Variants in ERC2 observed in about 807,000 individuals in gnomAD.
ERC2 encodes ELKS/RAB6-interacting/CAST family member 2.
In ERC2, 42 loss-of-function variants were observed where a neutral mutation model predicts 114.8. That is an observed-to-expected ratio of 0.37 (90% CI 0.29 to 0.47). The LOEUF is 0.47. Among genes scored for constraint, ERC2 ranks in the 20% least tolerant of loss-of-function variants. ERC2 has a pLI of 0.99. For synonymous variants in ERC2, 454 were observed against 425.5 expected (o/e 1.07, Z -0.82); for missense variants, 939 against 1,150.7 (o/e 0.82, Z 2.66).
At chr3:55,977,508 A>T (rs961021889) in intron 12 of ERC2, among the ~76,000 whole-genome samples, 6 of 152,216 alleles carry the variant, frequency 3.9e-5, no homozygotes, top group African/African-American at 1.4e-4. Flanking sequence ...AATAAAATAA[A>T]AGCAAATCAA....
chr3:55,579,023 TA>T (rs1289897799), intron 17 of ERC2, among the ~76,000 whole-genome samples: 6 of 152,152 alleles, frequency 3.9e-5, no homozygotes, highest in Admixed American at 1.3e-4. Context: ...TCATTTCTAC[TA>T]CATTCTGTTG....
At chr3:56,154,268 A>T (rs2081578733) in intron 4 of ERC2, among the ~76,000 whole-genome samples, 1 of 152,190 alleles carries the variant, frequency 6.6e-6, no homozygotes, top group African/African-American at 2.4e-5. Flanking sequence ...CAAAAAAATC[A>T]AAAACTCGCC....
chr3:56,028,009 T>G (rs1363947161), intron 7 of ERC2, among the ~76,000 whole-genome samples: 1 of 152,200 alleles, frequency 6.6e-6, no homozygotes, highest in Non-Finnish European at 1.5e-5. Flanking sequence ...TTGTGTTGCC[T>G]GTAGATATCT....
chr3:55,902,293 G>A (rs1253080833), intron 13 of ERC2, among the ~76,000 whole-genome samples: 2 of 152,040 alleles, frequency 1.3e-5, no homozygotes, highest in Non-Finnish European at 2.9e-5. Flanking sequence ...GGGGCTTTAT[G>A]TTGACCCTAT....
At chr3:55,709,466 G>A (rs771465506) in intron 15 of ERC2, among the ~76,000 whole-genome samples, 6 of 152,176 alleles carry the variant, frequency 3.9e-5, no homozygotes, top group Non-Finnish European at 8.8e-5. Flanking sequence ...TCTGAAGCTT[G>A]AGACACCACC....
At chr3:55,655,719 T>A (rs2060829217) in intron 17 of ERC2, among the ~76,000 whole-genome samples, 1 of 152,128 alleles carries the variant, frequency 6.6e-6, no homozygotes, top group African/African-American at 2.4e-5. Flanking sequence ...TTCCTGAGGG[T>A]CTGAGTCACT....
At chr3:55,952,456 T>C (rs1406885272) in intron 12 of ERC2, among the ~76,000 whole-genome samples, 3 of 151,964 alleles carry the variant, frequency 2.0e-5, no homozygotes, top group Non-Finnish European at 4.4e-5. Context: ...ATCTTTTGGT[T>C]AGTATAAAGA....
chr3:55,987,901 G>C (rs1414205808), intron 11 of ERC2, among the ~76,000 whole-genome samples: 1 of 152,108 alleles, frequency 6.6e-6, no homozygotes, highest in Non-Finnish European at 1.5e-5. Context: ...TCCGCATTGG[G>C]GAGGTATGTG....
chr3:55,961,945 C>A (rs1293339845), intron 12 of ERC2, among the ~76,000 whole-genome samples: 5 of 151,522 alleles, frequency 3.3e-5, no homozygotes, highest in Non-Finnish European at 7.4e-5. Flanking sequence ...CTTATCTTAT[C>A]CTCCACCGCC....
chr3:55,645,317 T>C (rs2060348455), intron 17 of ERC2, among the ~76,000 whole-genome samples: 1 of 152,180 alleles, frequency 6.6e-6, no homozygotes, highest in African/African-American at 2.4e-5. Flanking sequence ...ATCAGTACAG[T>C]TGTTAACAGT....
At chr3:56,206,003 C>A (rs1306645292) in intron 3 of ERC2, among the ~76,000 whole-genome samples, 1 of 152,160 alleles carries the variant, frequency 6.6e-6, no homozygotes, top group Non-Finnish European at 1.5e-5. Flanking sequence ...TCACCGTTGT[C>A]CTTTCAAGTT....
chr3:55,828,944 C>T (rs574064792), intron 14 of ERC2, among the ~76,000 whole-genome samples: 1 of 152,210 alleles, frequency 6.6e-6, no homozygotes, highest in East Asian at 1.9e-4. Flanking sequence ...TCCAGACCAG[C>T]TTGGTCAACA....
chr3:55,826,275 A>G (rs977418584), intron 14 of ERC2, among the ~76,000 whole-genome samples: 2 of 152,186 alleles, frequency 1.3e-5, no homozygotes, highest in Non-Finnish European at 2.9e-5. Context: ...GCTCTAGTGT[A>G]CTTGGCCTCA....
chr3:55,556,428 C>T (rs1429432311), intron 17 of ERC2, among the ~76,000 whole-genome samples: 2 of 152,188 alleles, frequency 1.3e-5, no homozygotes, highest in Non-Finnish European at 1.5e-5. Flanking sequence ...AGACCAAGTT[C>T]CCACCTCCTC....
At chr3:56,287,237 A>G (rs1305555398) in intron 3 of ERC2, among the ~76,000 whole-genome samples, 1 of 152,244 alleles carries the variant, frequency 6.6e-6, no homozygotes, top group Non-Finnish European at 1.5e-5. Flanking sequence ...ATACTCAACA[A>G]AAACTAGGTA....
chr3:55,720,878 C>A (rs1389700446), intron 15 of ERC2, among the ~76,000 whole-genome samples: 1 of 152,178 alleles, frequency 6.6e-6, no homozygotes, highest in Admixed American at 6.5e-5. Context: ...GCATCTTGTA[C>A]ATTTCTTTAA....
At chr3:56,068,233 T>C (rs2076570680) in intron 7 of ERC2, among the ~76,000 whole-genome samples, 1 of 152,308 alleles carries the variant, frequency 6.6e-6, no homozygotes, top group African/African-American at 2.4e-5. Flanking sequence ...ATTGGTCTAT[T>C]CAAGGATTTG....
intron 6 of ERC2, among the ~76,000 whole-genome samples, chr3:56,125,999 C>T (rs2149873090): frequency 6.6e-6 from 1 of 152,194 alleles, no homozygotes; most frequent in East Asian, 1.9e-4. Context: ...ATGTAATGAA[C>T]TCCATGTACC....
At chr3:55,730,652 C>T (rs752677204) in intron 15 of ERC2, among the ~76,000 whole-genome samples, 5 of 152,190 alleles carry the variant, frequency 3.3e-5, no homozygotes, top group Non-Finnish European at 7.3e-5. Context: ...GGGAAGACTG[C>T]TTGAGCCCAG....
Sources: allele counts gnomAD v4.1 joint callset (sites outside exome capture counted in the v4.1 genomes callset), GRCh38; gene constraint gnomAD v4.1.1; transcripts MANE v1.5; gene names NCBI Gene and HGNC (gene_info 2026-07-23, HGNC 2026-07-21).